The following FSTL4 variants were observed in gnomAD, a reference collection of about 807,000 sequenced individuals.
The protein encoded by FSTL4 is follistatin like 4, also known as follistatin-related protein 4.
A neutral mutation model predicts 78.2 loss-of-function variants in FSTL4; 28 were observed. The observed-to-expected ratio is 0.36, with a 90% CI of 0.27 to 0.49. The LOEUF (loss-of-function observed/expected upper bound fraction) is 0.49. Ranked by LOEUF, FSTL4 falls within the 20% of genes least tolerant of loss-of-function variation. The pLI is 0.98. For missense variants in FSTL4, 922 were observed against 1,084.9 expected, an observed-to-expected ratio of 0.85 and a Z score of 2.11; for synonymous variants, 422 against 440.5, an observed-to-expected ratio of 0.96 and a Z score of 0.53.
chr5:133,839,711 T>A, the FSTL4 span, among the ~76,000 whole-genome samples: 1 of 152,226 alleles, frequency 6.6e-6, no homozygotes, highest in Non-Finnish European at 1.5e-5. Context: ...GGGAGCTAAG[T>A]CATGGCTGAG....
chr5:133,308,926 A>G (rs1048119014), intron 6 of FSTL4, among the ~76,000 whole-genome samples: 11 of 152,244 alleles, frequency 7.2e-5, no homozygotes, highest in African/African-American at 2.4e-4. Context: ...TGCATCCAAC[A>G]CATTCGTGGG....
chr5:133,625,522 T>C, the FSTL4 span, among the ~76,000 whole-genome samples: 11 of 151,050 alleles, frequency 7.3e-5, no homozygotes, highest in Admixed American at 4.6e-4. Context: ...TGTCAGACTT[T>C]CTTAAGGTTT....
the FSTL4 span, among the ~76,000 whole-genome samples, chr5:133,818,524 T>C: frequency 1.3e-5 from 2 of 152,164 alleles, no homozygotes; most frequent in Non-Finnish European, 2.9e-5. Context: ...TTAACTTTAC[T>C]ACTTCTGTGT....
At chr5:133,782,049 G>A in the FSTL4 span, among the ~76,000 whole-genome samples, 3 of 152,148 alleles carry the variant, frequency 2.0e-5, no homozygotes, top group Admixed American at 6.5e-5. Flanking sequence ...GTGGAAAACA[G>A]CAAACTCAGA....
At chr5:133,686,861 A>G in the FSTL4 span, among the ~76,000 whole-genome samples, 1 of 152,252 alleles carries the variant, frequency 6.6e-6, no homozygotes, top group Non-Finnish European at 1.5e-5. Flanking sequence ...TGACCTCTGC[A>G]GAAACACATT....
At chr5:133,694,444 G>T in the FSTL4 span, among the ~76,000 whole-genome samples, 1 of 152,220 alleles carries the variant, frequency 6.6e-6, no homozygotes, top group Admixed American at 6.5e-5. Flanking sequence ...CTGAGCATGC[G>T]CTATGTGCCA....
intron 6 of FSTL4, among the ~76,000 whole-genome samples, chr5:133,296,724 A>G (rs1276725660): frequency 6.6e-6 from 1 of 152,172 alleles, no homozygotes; most frequent in Non-Finnish European, 1.5e-5. Context: ...GCTGTTCTCA[A>G]AAGTACTACC....
At chr5:133,551,130 A>T (rs979570727) in intron 3 of FSTL4, among the ~76,000 whole-genome samples, 1 of 152,194 alleles carries the variant, frequency 6.6e-6, no homozygotes, top group African/African-American at 2.4e-5. Flanking sequence ...CAGTCAAGCA[A>T]TTGGGAATGA....
intron 4 of FSTL4, among the ~76,000 whole-genome samples, chr5:133,396,419 G>T (rs1756049098): frequency 6.6e-6 from 1 of 152,168 alleles, no homozygotes; most frequent in Non-Finnish European, 1.5e-5. Context: ...ATCAGCCTGG[G>T]CCTCCCTGAT....
At chr5:133,787,166 C>G in the FSTL4 span, among the ~76,000 whole-genome samples, 230 of 152,302 alleles carry the variant, frequency 1.5e-3, 1 homozygote, top group African/African-American at 5.4e-3. Flanking sequence ...AAAACAAAAA[C>G]AGGACACCCT....
the FSTL4 span, among the ~76,000 whole-genome samples, chr5:133,696,656 G>A: frequency 3.9e-5 from 6 of 152,356 alleles, 1 homozygote; most frequent in South Asian, 1.0e-3. Flanking sequence ...ATGTGGATAA[G>A]TGAACAGATG....
the FSTL4 span, among the ~76,000 whole-genome samples, chr5:133,808,220 T>C: frequency 2.0e-5 from 3 of 152,252 alleles, no homozygotes; most frequent in South Asian, 6.2e-4. Flanking sequence ...CTTTAAGACA[T>C]AGTGCATCTC....
chr5:133,308,593 A>G (rs979978000), intron 6 of FSTL4, among the ~76,000 whole-genome samples: 1 of 152,216 alleles, frequency 6.6e-6, no homozygotes, highest in African/African-American at 2.4e-5. Context: ...GCCAGGCACT[A>G]TTAGTTCCAA....
intron 4 of FSTL4, chr5:133,333,912 G>A (rs1019825612): frequency 6.6e-6 from 1 of 152,326 alleles, no homozygotes; most frequent in East Asian, 1.9e-4. Context: ...GGCAGAGTGA[G>A]CTGGACCCCA....
chr5:133,823,605 C>G, the FSTL4 span, among the ~76,000 whole-genome samples: 1 of 152,202 alleles, frequency 6.6e-6, no homozygotes, highest in Non-Finnish European at 1.5e-5. Context: ...GGACAGAGTG[C>G]CCCTGTCTCC....
chr5:133,790,596 C>T, the FSTL4 span, among the ~76,000 whole-genome samples: 6 of 152,152 alleles, frequency 3.9e-5, no homozygotes, highest in South Asian at 2.1e-4. Flanking sequence ...TCCAGATGAA[C>T]GAAGCCAGCT....
intron 7 of FSTL4, among the ~76,000 whole-genome samples, chr5:133,240,791 T>C (rs1053702501): frequency 6.6e-6 from 1 of 152,238 alleles, no homozygotes; most frequent in African/African-American, 2.4e-5. Flanking sequence ...AGGGAGTGTG[T>C]TAGCCTAGGA....
intron 3 of FSTL4, among the ~76,000 whole-genome samples, chr5:133,532,008 A>G (rs1156930785): frequency 6.6e-6 from 1 of 152,198 alleles, no homozygotes; most frequent in Admixed American, 6.5e-5. Flanking sequence ...ACACTGCAAA[A>G]CGGACTTTAC....
At chr5:133,489,422 TTTTC>T (rs1392818219) in intron 3 of FSTL4, among the ~76,000 whole-genome samples, 3 of 152,202 alleles carry the variant, frequency 2.0e-5, no homozygotes, top group African/African-American at 7.2e-5. Context: ...TCCATTTCTC[TTTTC>T]TTTTTTTTCT....
Sources: gnomAD v4.1 joint callset for allele counts (sites outside exome capture counted in the v4.1 genomes callset) on GRCh38, gnomAD v4.1.1 for gene constraint, MANE v1.5 for transcripts, NCBI Gene and HGNC (gene_info 2026-07-23, HGNC 2026-07-21) for gene names.